Variants in UGGT2 observed in about 807,000 individuals in gnomAD.
UGGT2 encodes the protein UDP-glucose glycoprotein glucosyltransferase 2.
UGGT2 carries 180 observed loss-of-function variants against 192.1 expected under a neutral mutation model. The ratio of observed to expected loss-of-function variants is 0.94; its 90% CI spans 0.83 to 1.06. The LOEUF is 1.06. Among genes scored for constraint, UGGT2 ranks in the 50% least tolerant of loss-of-function variants. The pLI, the probability that UGGT2 is intolerant of heterozygous loss-of-function variation, is 0.00. For synonymous variants in UGGT2, 580 were observed against 591.0 expected (o/e 0.98, Z 0.27); for missense variants, 1,849 against 1,795.7 (o/e 1.03, Z -0.54).
At chr13:95,928,203 C>A (rs2049097130) in intron 17 of UGGT2, among the ~76,000 whole-genome samples, 1 of 152,126 alleles carries the variant, frequency 6.6e-6, no homozygotes, top group African/African-American at 2.4e-5. Flanking sequence ...GGGGTGGCGG[C>A]CGGGCAGAGG....
intron 1 of UGGT2, among the ~76,000 whole-genome samples, chr13:96,049,233 C>T (rs2053413441): frequency 6.6e-6 from 1 of 152,184 alleles, no homozygotes. Context: ...ACAAAAACCA[C>T]ATGATTATCT....
rs560364361 is a variant in UGGT2 at position 95,838,030 on chromosome 13, A to G, written c.4285-828T>C. 3.9e-5 allele frequency among the ~76,000 whole-genome samples: 6 copies of G among 152,342 alleles called. No homozygotes were observed. The South Asian group carries it at 1.0e-3, about 26-fold the overall frequency. Reference sequence around the variant, plus strand: ...GGAAAAAAACCTGTCACTGTTTGTGATAACAGGATTGTTTATGCAGAAAAT... The same window carrying G: ...GGAAAAAAACCTGTCACTGTTTGTGGTAACAGGATTGTTTATGCAGAAAAT... On this transcript the variant is annotated intron_variant, in intron 36 of 38. Coordinates refer to ENST00000376747, the MANE Select transcript of UGGT2 (RefSeq NM_020121.4).
intron 38 of UGGT2, among the ~76,000 whole-genome samples, chr13:95,815,012 C>T (rs2139754862): frequency 6.6e-6 from 1 of 152,238 alleles, no homozygotes; most frequent in Middle Eastern, 3.4e-3. Flanking sequence ...AAGCATTTGA[C>T]ATACTCAAGT....
At position 95,853,636 on chromosome 13, in the gene UGGT2, G is replaced by C. The variant is rs1218391925; in HGVS notation, c.4191C>G (p.Leu1397=). 2 of 1,584,544 alleles carry C rather than the reference G, an allele frequency of 1.3e-6. No homozygotes were observed. Among genetic ancestry groups the C allele is most frequent in the African/African-American group, 2.7e-5 (2 of 73,124 alleles). The change falls in exon 36 of 39, where the codon CTC becomes CTG. Residue 1397 remains leucine (L), a synonymous_variant. Transcript: ENST00000376747. ...CTGCTCCAATTCTCCTGAACTTCTT[G>C]AGATCCACTACATATAAAGCACTGC... ...YHISALYVVD[L]KKFRRIGAGD...
At chr13:95,926,303 C>G (rs1241601296) in intron 19 of UGGT2, among the ~76,000 whole-genome samples, 2 of 152,024 alleles carry the variant, frequency 1.3e-5, no homozygotes, top group South Asian at 2.1e-4. Flanking sequence ...GGTTGTGTGG[C>G]CTTTGCTTTA....
intron 1 of UGGT2, among the ~76,000 whole-genome samples, chr13:96,047,928 G>A (rs1044698265): frequency 4.6e-5 from 7 of 151,902 alleles, no homozygotes; most frequent in South Asian, 2.1e-4. Flanking sequence ...ACAGATCAAC[G>A]AGACAGAAAG....
chr13:95,880,360 C>T (rs923667620), intron 27 of UGGT2, among the ~76,000 whole-genome samples: 7 of 152,196 alleles, frequency 4.6e-5, no homozygotes, highest in Non-Finnish European at 1.0e-4. Flanking sequence ...CTCTGACAAG[C>T]TATCTGATAG....
At chr13:96,026,177 A>G (rs1380393207) in intron 2 of UGGT2, among the ~76,000 whole-genome samples, 2 of 152,196 alleles carry the variant, frequency 1.3e-5, no homozygotes, top group Non-Finnish European at 2.9e-5. Flanking sequence ...AAAAACAAAC[A>G]AACAAACAAA....
intron 38 of UGGT2, among the ~76,000 whole-genome samples, chr13:95,824,716 C>T (rs1885844906): frequency 6.6e-6 from 1 of 151,912 alleles, no homozygotes; most frequent in African/African-American, 2.4e-5. Flanking sequence ...TGGTTTTCAC[C>T]TTTCTGTGGT....
At chr13:95,999,068 A>C (rs940772021) in intron 6 of UGGT2, 143 bp downstream of exon 6, 33 of 525,886 alleles carry the variant, frequency 6.3e-5, no homozygotes, top group Non-Finnish European at 1.1e-4. Flanking sequence ...TTTAATTCCA[A>C]ATTTTAATGA....
intron 38 of UGGT2, among the ~76,000 whole-genome samples, chr13:95,830,620 CA>C (rs1371864467): frequency 6.6e-6 from 1 of 152,148 alleles, no homozygotes; most frequent in Non-Finnish European, 1.5e-5. Flanking sequence ...ATTAAAAAGT[CA>C]GGAAACAACA....
chr13:95,851,747 G>T (rs1332142365), intron 36 of UGGT2, among the ~76,000 whole-genome samples: 2 of 152,184 alleles, frequency 1.3e-5, no homozygotes, highest in Non-Finnish European at 1.5e-5. Context: ...TTTGAGTAAG[G>T]ACAATCATCC....
chr13:96,053,077 C>T, intron 1 of UGGT2, 78 bp downstream of exon 1: 1 of 1,395,616 alleles, frequency 7.2e-7, no homozygotes, highest in Non-Finnish European at 9.3e-7. Context: ...CAGACACCCG[C>T]TGCGAGCACG....
rs994610066 is a variant in UGGT2, at chr13:95,937,231, T to C, written c.1813-143A>G. On this transcript the variant is annotated intron_variant, in intron 16 of 38. Coordinates refer to ENST00000376747, the MANE Select transcript of UGGT2 (RefSeq NM_020121.4). Reference sequence around the variant, plus strand: ...TAACTTTATCTGTCCTTTCCAAACATTGCCTAAAGGAAAGTAATTTACCTA... The same window carrying C: ...TAACTTTATCTGTCCTTTCCAAACACTGCCTAAAGGAAAGTAATTTACCTA... 1.5e-5 allele frequency: 15 copies of C among 972,430 alleles called. No individual in the cohort carries two copies. The Admixed American group carries it at 2.4e-4, about 16-fold the overall frequency. 60.2% of individuals were successfully genotyped at this position (972,430 alleles called of 1,614,324 possible). A position where few individuals can be genotyped will look rare whatever the true frequency, so the allele number is the denominator to read the frequency against.
chr13:96,041,616 G>C (rs990606052), intron 1 of UGGT2, among the ~76,000 whole-genome samples: 1 of 151,916 alleles, frequency 6.6e-6, no homozygotes, highest in African/African-American at 2.4e-5. Flanking sequence ...AGCCCTGCTC[G>C]CCCACCACCT....
rs1594269762 is a variant in UGGT2 at position 95,900,700 on chromosome 13, C to CG, written c.2634+106dup. ...TCTGGTGTCTTCAGCTCATGAACAC[C>CG]GTCCTCTGTGTGTGTCAGTCACATC... On this transcript the variant is annotated intron_variant, in intron 22 of 38. Coordinates refer to ENST00000376747, the MANE Select transcript of UGGT2 (RefSeq NM_020121.4). 1.4e-5 allele frequency: 17 copies of CG among 1,244,822 alleles called. 1 individual carries two copies. The highest frequency in any genetic ancestry group is 1.7e-5 in the Non-Finnish European group (16 of 935,780). 77.1% of individuals were successfully genotyped at this position (1,244,822 alleles called of 1,614,324 possible). A position where few individuals can be genotyped will look rare whatever the true frequency, so the allele number is the denominator to read the frequency against.
chr13:95,853,475 T>C (rs1291974229), intron 36 of UGGT2, 68 bp downstream of exon 36: 3 of 1,285,322 alleles, frequency 2.3e-6, no homozygotes, highest in Non-Finnish European at 3.3e-6. Flanking sequence ...ACTTTAAAGT[T>C]TATGAGCACG....
intron 2 of UGGT2, among the ~76,000 whole-genome samples, chr13:96,028,000 C>T (rs1438700971): frequency 6.6e-6 from 1 of 152,212 alleles, no homozygotes; most frequent in African/African-American, 2.4e-5. Context: ...CTTCCTTAGT[C>T]TCCACTGTGT....
intron 12 of UGGT2, among the ~76,000 whole-genome samples, chr13:95,955,990 C>G (rs1157679105): frequency 6.6e-6 from 1 of 152,046 alleles, no homozygotes; most frequent in East Asian, 1.9e-4. Flanking sequence ...TGAGATAATT[C>G]ATTTTAAATG....
Sources: allele counts gnomAD v4.1 joint callset (sites outside exome capture counted in the v4.1 genomes callset), GRCh38; gene constraint gnomAD v4.1.1; transcripts MANE v1.5; gene names NCBI Gene and HGNC (gene_info 2026-07-23, HGNC 2026-07-21).